The following GPR107 variants were observed in gnomAD, a reference collection of about 807,000 sequenced individuals.
GPR107 encodes the protein G protein-coupled receptor 107.
In GPR107, 31 loss-of-function variants were observed where a neutral mutation model predicts 75.5. The ratio of observed to expected loss-of-function variants is 0.41; its 90% CI spans 0.31 to 0.55. The LOEUF (loss-of-function observed/expected upper bound fraction) is 0.55. Ranked by LOEUF, GPR107 falls within the 20% of genes least tolerant of loss-of-function variation. GPR107 has a pLI of 0.26. For synonymous variants in GPR107, 267 were observed against 251.3 expected (o/e 1.06, Z -0.59); for missense variants, 572 against 665.7 (o/e 0.86, Z 1.55).
At chr9:130,130,059 A>G (rs898723688) in intron 17 of GPR107, 1 of 152,220 alleles carries the variant, frequency 6.6e-6, no homozygotes, top group Non-Finnish European at 1.5e-5. Flanking sequence ...CGGCCCACGC[A>G]GCTGCCCTCT....
chr9:130,060,621 T>A (rs1829907338), intron 1 of GPR107, among the ~76,000 whole-genome samples: 1 of 152,040 alleles, frequency 6.6e-6, no homozygotes, highest in African/African-American at 2.4e-5. Context: ...CTAAATATGA[T>A]TTTTATATTG....
chr9:130,113,164 A>G (rs1442144100), intron 14 of GPR107, among the ~76,000 whole-genome samples: 1 of 152,060 alleles, frequency 6.6e-6, no homozygotes, highest in Non-Finnish European at 1.5e-5. Context: ...AACAACTAAT[A>G]GTATTTGTTG....
chr9:130,078,849 G>C (rs1178440420), intron 4 of GPR107, among the ~76,000 whole-genome samples: 1 of 152,220 alleles, frequency 6.6e-6, no homozygotes, highest in African/African-American at 2.4e-5. Flanking sequence ...CCCCTCCTGG[G>C]TGGGATGGGG....
chr9:130,072,345 G>A (rs569334018), intron 1 of GPR107, among the ~76,000 whole-genome samples: 1 of 151,472 alleles, frequency 6.6e-6, no homozygotes, highest in Non-Finnish European at 1.5e-5. Flanking sequence ...TCAGCCTCCC[G>A]AGTAGCTGGG....
Position 130,053,979 on chromosome 9 carries a change from G to A in GPR107, c.47G>A (p.Arg16Lys), listed in dbSNP as rs535230942. ...PVGSPASRGPRLAAGLRLLPM... is the reference protein window; with the variant it reads ...PVGSPASRGPKLAAGLRLLPM... ...GGCTCCCCCGCCTCCCGCGGTCCTA[G>A]GCTGGCCGCGGGCCTCCGGCTGCTC... The change falls in exon 1 of 18, where the codon AGG becomes AAG. Residue 16 changes from arginine (R) to lysine (K), a missense_variant. Coordinates refer to ENST00000347136, the MANE Select transcript of GPR107 (RefSeq NM_020960.5). 2.6e-6 allele frequency: 4 copies of A among 1,553,774 alleles called. No homozygotes were observed. In the African/African-American group the frequency reaches 4.1e-5, roughly 16 times the overall value.
chr9:130,119,627 T>C (rs1405300960), intron 14 of GPR107, among the ~76,000 whole-genome samples: 1 of 152,120 alleles, frequency 6.6e-6, no homozygotes, highest in African/African-American at 2.4e-5. Flanking sequence ...CCCAGACTTT[T>C]AACCCCCCTG....
chr9:130,060,307 C>T (rs1829897197), intron 1 of GPR107, among the ~76,000 whole-genome samples: 1 of 151,978 alleles, frequency 6.6e-6, no homozygotes. Flanking sequence ...AGATGTTCTG[C>T]CCACTTTGGC....
chr9:130,110,306 T>C (rs1831263975), intron 14 of GPR107: 2 of 989,954 alleles, frequency 2.0e-6, no homozygotes, highest in Admixed American at 4.0e-5. Flanking sequence ...GGTAACTTCC[T>C]TTAACAGGAA....
chr9:130,089,722 A>G (rs1160773451), intron 7 of GPR107, among the ~76,000 whole-genome samples: 2 of 152,186 alleles, frequency 1.3e-5, no homozygotes, highest in African/African-American at 4.8e-5. Flanking sequence ...CCATGTGTTT[A>G]GAAAAGTTTT....
At chr9:130,087,093 A>C (rs1830630356) in intron 7 of GPR107, among the ~76,000 whole-genome samples, 2 of 151,900 alleles carry the variant, frequency 1.3e-5, no homozygotes, top group African/African-American at 4.8e-5. Context: ...GCTGGAGTGC[A>C]ATGGTATAAT....
chr9:130,060,568 T>G (rs2132533721), intron 1 of GPR107, among the ~76,000 whole-genome samples: 1 of 152,194 alleles, frequency 6.6e-6, no homozygotes, highest in East Asian at 1.9e-4. Flanking sequence ...TACAGATGCT[T>G]GCCACTGTGC....
At chr9:130,063,227 G>C (rs1014817403) in intron 1 of GPR107, among the ~76,000 whole-genome samples, 7 of 150,362 alleles carry the variant, frequency 4.7e-5, no homozygotes, top group African/African-American at 1.7e-4. Context: ...GTCTCGCTCT[G>C]TCGCCCAGGC....
In GPR107 at chr9:130,104,308, G is replaced by A. The variant is rs929822285; in HGVS notation, c.1132-112G>A. Reference sequence around the variant, plus strand: ...AGCACGTGGGACTGGAAAGAATGCTGTGGTCGCAGATCGTGGGTCTGGAGG... The same window carrying A: ...AGCACGTGGGACTGGAAAGAATGCTATGGTCGCAGATCGTGGGTCTGGAGG... On this transcript the variant is annotated intron_variant, in intron 12 of 17. Coordinates refer to ENST00000347136, the MANE Select transcript of GPR107 (RefSeq NM_020960.5). 4.3e-5 allele frequency: 36 copies of A among 829,100 alleles called. 1 individual carries two copies. In the South Asian group the frequency reaches 5.4e-4, roughly 13 times the overall value. 51.4% of individuals were successfully genotyped at this position (829,100 alleles called of 1,614,324 possible). A position where few individuals can be genotyped will look rare whatever the true frequency, so the allele number is the denominator to read the frequency against.
Position 130,112,159 on chromosome 9 carries a change from A to G in GPR107, c.1306+4620A>G, listed in dbSNP as rs1406161019. 6.6e-6 allele frequency among the ~76,000 whole-genome samples: 1 copy of G among 152,204 alleles called. No homozygotes were observed. The highest frequency in any genetic ancestry group is 1.9e-4 in the East Asian group (1 of 5,192). ...TTTTGGGCCTTGTGTTTCTGAGGAAAAGTCAGAAGATGTATTCTGAAGAGC... is the reference window on the plus strand; with the variant it reads ...TTTTGGGCCTTGTGTTTCTGAGGAAGAGTCAGAAGATGTATTCTGAAGAGC... On this transcript the variant is annotated intron_variant, in intron 14 of 17. Transcript: ENST00000347136. This position sits in a 1 kb window ranked among gnomAD's most constrained non-coding sequence, Gnocchi z 4.0.
At chr9:130,100,562 G>A in intron 10 of GPR107, 67 bp from the exon 11 acceptor site, 1 of 1,142,136 alleles carries the variant, frequency 8.8e-7, no homozygotes. Context: ...ATGGGTCCAA[G>A]TTAAAAGATT....
At chr9:130,122,197 G>A (rs544622225) in intron 14 of GPR107, among the ~76,000 whole-genome samples, 2 of 152,338 alleles carry the variant, frequency 1.3e-5, no homozygotes, top group South Asian at 2.1e-4. Flanking sequence ...AGCCTCAGGA[G>A]AGACTTTTAA....
chr9:130,132,220 C>G (rs564032633), intron 17 of GPR107, among the ~76,000 whole-genome samples: 33 of 152,276 alleles, frequency 2.2e-4, no homozygotes, highest in African/African-American at 7.9e-4. Context: ...TTCTCCCGGG[C>G]TCTAGAATCA....
intron 13 of GPR107, 80 bp downstream of exon 13, chr9:130,104,630 A>T (rs1317545214): frequency 2.6e-6 from 3 of 1,153,654 alleles, no homozygotes; most frequent in Middle Eastern, 4.7e-4. Flanking sequence ...TCCCAAACTG[A>T]TCTCAGTCAC....
intron 14 of GPR107, among the ~76,000 whole-genome samples, chr9:130,111,744 GTGTT>G (rs1831308679): frequency 2.0e-5 from 3 of 150,536 alleles, no homozygotes; most frequent in African/African-American, 4.9e-5. Flanking sequence ...CTTTCAGAGA[GTGTT>G]TGTTTGGCTT....
Sources: allele counts gnomAD v4.1 joint callset (sites outside exome capture counted in the v4.1 genomes callset), GRCh38; gene constraint gnomAD v4.1.1; non-coding constraint Gnocchi (gnomAD v3.1); transcripts MANE v1.5; gene names NCBI Gene and HGNC (gene_info 2026-07-23, HGNC 2026-07-21).